BCL11B: variants seen among roughly 807,000 people sequenced by gnomAD.
BCL11B encodes the protein BCL11 transcription factor B.
BCL11B carries 8 observed loss-of-function variants against 49.9 expected under a neutral mutation model. That is an observed-to-expected ratio of 0.16 (90% CI 0.09 to 0.29). BCL11B has a LOEUF of 0.29. Among genes scored for constraint, BCL11B ranks in the 10% least tolerant of loss-of-function variants. The pLI is 1.00. For synonymous variants in BCL11B, 739 were observed against 637.4 expected (o/e 1.16, Z -2.40); for missense variants, 1,006 against 1,351.0 (o/e 0.74, Z 4.00).
rs954768620 is a variant in BCL11B at position 99,194,616 on chromosome 14, C to G, written c.641-18421G>C. Among the ~76,000 whole-genome samples, 3 of 152,318 alleles carry G rather than the reference C, an allele frequency of 2.0e-5. No homozygotes were observed. Among genetic ancestry groups the G allele is most frequent in the African/African-American group, 7.2e-5 (3 of 41,572 alleles). The stretch of plus-strand genomic sequence containing the variant: ...TGAATCTGTCCTTCGGTGTGAAAGG[C>G]CTTGTCTGCAAAATGGCCCCCAGAG... On this transcript the variant is annotated intron_variant, in intron 3 of 3. Transcript: ENST00000357195. The surrounding 1 kb of genome is among the most constrained non-coding windows in gnomAD (Gnocchi z 4.6).
In BCL11B at chr14:99,219,591, G is replaced by A. The variant is rs1234315655; in HGVS notation, c.640+11754C>T. Among the ~76,000 whole-genome samples, 4 of 152,118 alleles carry A rather than the reference G, an allele frequency of 2.6e-5. No homozygotes were observed. In the East Asian group the frequency reaches 7.7e-4, roughly 29 times the overall value. On this transcript the variant is annotated intron_variant, in intron 3 of 3. Coordinates refer to ENST00000357195, the MANE Select transcript of BCL11B (RefSeq NM_138576.4). ...GGGAGACCCCACAAGGCTCAGAGAG[G>A]GCCAAAGCGTGCACAGGACACCGAG...
chr14:99,174,529 G>A lies in BCL11B; in HGVS notation c.2307C>T (p.Gly769=), dbSNP rs768153330. ...GCGGGGTGCTGCCTCCGCTGGCCGT[G>A]CCGCTGCGGCCCGAGAGGCCGCCGT... ...LLDGGLSGRS[G]TASGGSTPHL... is the part of the protein sequence containing the mutation. Residue 769 remains glycine, a synonymous_variant, in exon 4 of 4, where the codon GGC becomes GGT. Transcript: ENST00000357195. 3.3e-4 allele frequency: 507 copies of A among 1,515,208 alleles called. 2 individuals are homozygous for A. Among genetic ancestry groups the A allele is most frequent in the East Asian group, 2.4e-4 (9 of 37,568 alleles). The allele number at this position is 1,515,208 out of a possible 1,614,324, so 93.9% of individuals were successfully genotyped here.
At chr14:99,199,687 CGCGCGCGCGCACGTGCACGTGTGT>C (rs1253217141) in intron 3 of BCL11B, among the ~76,000 whole-genome samples, 10 of 58,890 alleles carry the variant, frequency 1.7e-4, no homozygotes, top group East Asian at 1.3e-3. Context: ...TGTGTGTGCG[CGCGCGCGCGCACGTGCACGTGTGT>C]GCGTGTGTGC....
chr14:99,186,005 A>G (rs1886842271), intron 3 of BCL11B, among the ~76,000 whole-genome samples: 1 of 152,226 alleles, frequency 6.6e-6, no homozygotes. Context: ...CCCTATGCCA[A>G]GAGGAGGGAC....
At chr14:99,191,498 G>C (rs762965229) in intron 3 of BCL11B, among the ~76,000 whole-genome samples, 27 of 152,232 alleles carry the variant, frequency 1.8e-4, no homozygotes, top group Non-Finnish European at 3.1e-4. Flanking sequence ...ACAGAGAGAA[G>C]AGGAGGGGCC....
chr14:99,231,238 G>C lies in BCL11B; in HGVS notation c.640+107C>G. The stretch of plus-strand genomic sequence containing the variant: ...CCCCTGGCACCCCAAAAAGCCTTCT[G>C]GGTGGGAGCTGCCCTTCCTCCCTGG... On this transcript the variant is annotated intron_variant, in intron 3 of 3. Transcript: ENST00000357195. This position sits in a 1 kb window ranked among gnomAD's most constrained non-coding sequence, Gnocchi z 8.1. 1 of 1,243,172 alleles carries C rather than the reference G, an allele frequency of 8.0e-7. No individual in the cohort carries two copies. Among genetic ancestry groups the C allele is most frequent in the Non-Finnish European group, 1.1e-6 (1 of 899,584 alleles). The allele number at this position is 1,243,172 out of a possible 1,614,324, so 77.0% of individuals were successfully genotyped here. A position where few individuals can be genotyped will look rare whatever the true frequency, so the allele number is the denominator to read the frequency against.
At chr14:99,179,043 G>A (rs538144261) in intron 3 of BCL11B, among the ~76,000 whole-genome samples, 160 of 152,330 alleles carry the variant, frequency 1.1e-3, no homozygotes, top group African/African-American at 3.7e-3. Flanking sequence ...GAGCGCTTAC[G>A]CAGGCCAGCA....
At position 99,194,976 on chromosome 14, in the gene BCL11B, G is replaced by T. The variant is rs1241342179; in HGVS notation, c.641-18781C>A. 1.3e-5 allele frequency among the ~76,000 whole-genome samples: 2 copies of T among 152,102 alleles called. No homozygotes were observed. The highest frequency in any genetic ancestry group is 3.9e-4 in the East Asian group (2 of 5,170). On this transcript the variant is annotated intron_variant, in intron 3 of 3. Coordinates refer to ENST00000357195, the MANE Select transcript of BCL11B (RefSeq NM_138576.4). This position sits in a 1 kb window ranked among gnomAD's most constrained non-coding sequence, Gnocchi z 4.6. ...AGGCAGGTCCAGCCAGCCTGCCCTT[G>T]CTCCTTCCACCAATAAGTCACCTTA... is the stretch of plus-strand genomic sequence containing the variant.
chr14:99,203,032 A>G (rs1439595212), intron 3 of BCL11B, among the ~76,000 whole-genome samples: 2 of 152,164 alleles, frequency 1.3e-5, no homozygotes, highest in Non-Finnish European at 2.9e-5. Context: ...CAGCTGTTCA[A>G]TGTCCGCACC....
chr14:99,258,506 C>T (rs766133253), intron 1 of BCL11B, among the ~76,000 whole-genome samples: 2 of 151,884 alleles, frequency 1.3e-5, no homozygotes, highest in Admixed American at 6.6e-5. Flanking sequence ...AAAACAGAAA[C>T]CCAGATGGGC....
intron 2 of BCL11B, among the ~76,000 whole-genome samples, chr14:99,256,068 A>G (rs2693675): frequency 0.99 from 151,344 of 152,334 alleles, 75,185 homozygotes; most frequent in East Asian, 1. Flanking sequence ...GAGGCTCAGC[A>G]TCACAAAGCT....
At chr14:99,254,343 G>A (rs1035914815) in intron 2 of BCL11B, among the ~76,000 whole-genome samples, 9 of 152,360 alleles carry the variant, frequency 5.9e-5, no homozygotes, top group African/African-American at 2.2e-4. Context: ...CCGACCTAGT[G>A]TGATGACTGA....
At chr14:99,212,420 T>C (rs538739872) in intron 3 of BCL11B, among the ~76,000 whole-genome samples, 29 of 152,236 alleles carry the variant, frequency 1.9e-4, no homozygotes, top group Admixed American at 2.0e-4. Flanking sequence ...TCTGGCCACA[T>C]TGGGTGTCTG....
intron 3 of BCL11B, among the ~76,000 whole-genome samples, chr14:99,176,719 T>C (rs954243583): frequency 3.3e-5 from 5 of 152,066 alleles, no homozygotes; most frequent in Admixed American, 6.5e-5. Context: ...TTTAGCAACA[T>C]CCTCTGCCTG....
chr14:99,261,044 AC>A (rs892194190), intron 1 of BCL11B, among the ~76,000 whole-genome samples: 4 of 152,196 alleles, frequency 2.6e-5, no homozygotes, highest in African/African-American at 9.7e-5. Context: ...CAGGGTGTTC[AC>A]CCGATTCCAA....
rs982308133 is a variant in BCL11B, at chr14:99,194,261, C to T, written c.641-18066G>A. 1.3e-5 allele frequency among the ~76,000 whole-genome samples: 2 copies of T among 152,148 alleles called. No homozygotes were observed. The highest frequency in any genetic ancestry group is 2.4e-5 in the African/African-American group (1 of 41,426). On this transcript the variant is annotated intron_variant, in intron 3 of 3. Coordinates refer to ENST00000357195, the MANE Select transcript of BCL11B (RefSeq NM_138576.4). The surrounding 1 kb of genome is among the most constrained non-coding windows in gnomAD (Gnocchi z 4.6). ...GTGCTGCTGGCCCCGGACTGTCCCC[C>T]AGCAGCAGAAGTCACAGTCAGCAAA...
chr14:99,190,867 C>T (rs1887004265), intron 3 of BCL11B, among the ~76,000 whole-genome samples: 1 of 152,050 alleles, frequency 6.6e-6, no homozygotes, highest in Non-Finnish European at 1.5e-5. Context: ...CTGTGACAGA[C>T]AGCTCACCAC....
intron 2 of BCL11B, among the ~76,000 whole-genome samples, chr14:99,238,289 T>C (rs1471785097): frequency 6.6e-6 from 1 of 151,896 alleles, no homozygotes; most frequent in Non-Finnish European, 1.5e-5. Context: ...CCACCAGAGA[T>C]TGGAAAGGGA....
intron 3 of BCL11B, among the ~76,000 whole-genome samples, chr14:99,207,388 C>G (rs1341784888): frequency 1.3e-5 from 2 of 152,154 alleles, no homozygotes; most frequent in Non-Finnish European, 2.9e-5. Flanking sequence ...CCCTTCCTTT[C>G]CAATCTAAAG....
Sources: gnomAD v4.1 joint callset for allele counts (sites outside exome capture counted in the v4.1 genomes callset) on GRCh38, gnomAD v4.1.1 for gene constraint, Gnocchi (gnomAD v3.1) non-coding constraint, MANE v1.5 for transcripts, NCBI Gene and HGNC (gene_info 2026-07-23, HGNC 2026-07-21) for gene names.